The following ZNF169 variants were observed in gnomAD, a reference collection of about 807,000 sequenced individuals.
ZNF169 encodes zinc finger protein 169.
In ZNF169, 11 loss-of-function variants were observed where a neutral mutation model predicts 12.0. That is an observed-to-expected ratio of 0.92 (90% CI 0.58 to 1.52). The LOEUF (loss-of-function observed/expected upper bound fraction) is 1.52. ZNF169 is among the 40% of genes most tolerant of loss of function. The pLI, the probability that ZNF169 is intolerant of heterozygous loss-of-function variation, is 0.00. For missense variants in ZNF169, 722 were observed against 744.0 expected (o/e 0.97, Z 0.34); for synonymous variants, 302 against 286.5 (o/e 1.05, Z -0.55).
At chr9:94,263,155 A>G (rs1360681324) in intron 1 of ZNF169, among the ~76,000 whole-genome samples, 2 of 151,700 alleles carry the variant, frequency 1.3e-5, no homozygotes, top group African/African-American at 4.8e-5. Flanking sequence ...TTTTCTAGTT[A>G]TTTTATCAAC....
chr9:94,260,457 T>C (rs915802117), intron 1 of ZNF169, among the ~76,000 whole-genome samples: 7 of 146,690 alleles, frequency 4.8e-5, no homozygotes, highest in African/African-American at 1.8e-4. Flanking sequence ...TGTTTGTGGG[T>C]AGACATCCAG....
chr9:94,288,696 A>G (rs1830767674), intron 2 of ZNF169: 1 of 322,596 alleles, frequency 3.1e-6, no homozygotes, highest in Non-Finnish European at 6.0e-6. Flanking sequence ...CCTCTTGCTC[A>G]CTTTTTCTCC....
At chr9:94,288,537 A>T in intron 2 of ZNF169, 1 of 540,626 alleles carries the variant, frequency 1.8e-6, no homozygotes, top group South Asian at 1.6e-5. Flanking sequence ...CTCATATGTG[A>T]GTAGCACAGC....
rs1327097559 is a variant in ZNF169, at chr9:94,300,141, G to C, written c.583G>C (p.Gly195Arg). 1 of 1,614,028 alleles carries C rather than the reference G, an allele frequency of 6.2e-7. No individual in the cohort carries two copies. The highest frequency in any genetic ancestry group is 8.5e-7 in the Non-Finnish European group (1 of 1,180,046). Residue 195 changes from glycine (G) to arginine (R), a missense_variant, in exon 5 of 5, where the codon GGG becomes CGG. Physicochemically the swap from Gly to Arg is moderately radical, Grantham distance 125 (BLOSUM62 -2). Transcript: ENST00000395395. ...TCGCCTGGCCCAAAGGATGAGTCTT[G>C]GGGGGTCAGACACAATGTTGAAGGG... ...DLRLAQRMSL[G>R]GSDTMLKGAD... is the part of the protein sequence containing the mutation.
At chr9:94,284,317 CAGG>C (rs1233369774) in intron 2 of ZNF169, among the ~76,000 whole-genome samples, 2 of 150,394 alleles carry the variant, frequency 1.3e-5, no homozygotes, top group Non-Finnish European at 3.0e-5. Flanking sequence ...CCCAGCTACT[CAGG>C]AGGCTGAGGC....
At chr9:94,278,675 C>A in intron 1 of ZNF169, 83 bp from the exon 2 acceptor site, 1 of 712,544 alleles carries the variant, frequency 1.4e-6, no homozygotes, top group Non-Finnish European at 2.4e-6. Flanking sequence ...TGTTCCTCTA[C>A]TCCCTACTGA....
rs773819732 is a variant in ZNF169, at chr9:94,292,488, G to A, written c.160+21G>A. 7.5e-6 allele frequency: 12 copies of A among 1,603,044 alleles called. No homozygotes were observed. In the Admixed American group the frequency reaches 1.9e-4, roughly 25 times the overall value. ...CCTGGGTAAGGCTGGCCTGTTTAAG[G>A]TTTCAGATTCTGCTTGTGGGTATTT... is the stretch of plus-strand genomic sequence containing the variant. On this transcript the variant is annotated intron_variant, in intron 3 of 4. Transcript: ENST00000395395.
intron 2 of ZNF169, chr9:94,288,344 C>T (rs2225184): frequency 0.93 from 969,464 of 1,038,390 alleles, 455,724 homozygotes; most frequent in East Asian, 0.99. Flanking sequence ...TCTGTAAATG[C>T]CAGGCCATAT....
intron 4 of ZNF169, chr9:94,299,517 T>C (rs908233376): frequency 8.4e-6 from 11 of 1,304,070 alleles, no homozygotes; most frequent in Non-Finnish European, 8.7e-6. Flanking sequence ...CAAGGTTTAA[T>C]AGGCTTGAGC....
intron 1 of ZNF169, among the ~76,000 whole-genome samples, chr9:94,266,370 T>G (rs1290648900): frequency 6.6e-6 from 1 of 152,182 alleles, no homozygotes; most frequent in Admixed American, 6.5e-5. Flanking sequence ...TTCTGGCTAC[T>G]TCCTGCTGAG....
In ZNF169 at chr9:94,270,992, A is replaced by G. The variant is rs867643796; in HGVS notation, c.-55-7766A>G. Among the ~76,000 whole-genome samples, 5 of 51,042 alleles carry G rather than the reference A, an allele frequency of 9.8e-5. No individual in the cohort carries two copies. The South Asian group carries it at 3.8e-3, about 39-fold the overall frequency. 33.5% of individuals were successfully genotyped at this position (51,042 alleles called of 152,430 possible). A position where few individuals can be genotyped will look rare whatever the true frequency, so the allele number is the denominator to read the frequency against. ...TTATATATTATATAAATATACAAATAATATATTATATATTATATAAATATA... is the reference window on the plus strand; with the variant it reads ...TTATATATTATATAAATATACAAATGATATATTATATATTATATAAATATA... On this transcript the variant is annotated intron_variant, in intron 1 of 4. Coordinates refer to ENST00000395395, the MANE Select transcript of ZNF169 (RefSeq NM_194320.4).
intron 1 of ZNF169, among the ~76,000 whole-genome samples, chr9:94,274,624 G>T (rs1830489926): frequency 6.6e-6 from 1 of 152,120 alleles, no homozygotes; most frequent in African/African-American, 2.4e-5. Flanking sequence ...TACCTAACCT[G>T]CCGCACATCA....
intron 1 of ZNF169, among the ~76,000 whole-genome samples, chr9:94,277,114 A>G (rs1477318358): frequency 2.0e-5 from 3 of 152,198 alleles, no homozygotes; most frequent in Non-Finnish European, 4.4e-5. Flanking sequence ...GGACAACTCA[A>G]AGTAGGGGGG....
chr9:94,288,951 A>G (rs906425130), intron 2 of ZNF169, among the ~76,000 whole-genome samples: 2 of 152,378 alleles, frequency 1.3e-5, no homozygotes, highest in Middle Eastern at 3.4e-3. Context: ...GCTATTCTTC[A>G]TGAATTTCCT....
chr9:94,279,022 A>G (rs1050837529), intron 2 of ZNF169, among the ~76,000 whole-genome samples, 177 bp downstream of exon 2: 2 of 152,152 alleles, frequency 1.3e-5, no homozygotes, highest in Non-Finnish European at 1.5e-5. Context: ...TTATTTACCA[A>G]GTAGTTAACT....
intron 1 of ZNF169, among the ~76,000 whole-genome samples, chr9:94,276,191 T>A (rs937814347): frequency 6.6e-6 from 1 of 152,182 alleles, no homozygotes; most frequent in Non-Finnish European, 1.5e-5. Flanking sequence ...TTGTCTAATA[T>A]CTAATCATGT....
intron 1 of ZNF169, among the ~76,000 whole-genome samples, chr9:94,266,085 CAA>C (rs34161642): frequency 0.59 from 79,193 of 134,482 alleles, 24,630 homozygotes; most frequent in East Asian, 0.9. Flanking sequence ...GACTTTGTCT[CAA>C]AAAAAAAAAA....
chr9:94,276,059 G>C (rs1369556584), intron 1 of ZNF169, among the ~76,000 whole-genome samples: 1 of 152,132 alleles, frequency 6.6e-6, no homozygotes, highest in Non-Finnish European at 1.5e-5. Flanking sequence ...TTACAGGCGT[G>C]AGCCACCACA....
In ZNF169 at chr9:94,293,040, A is replaced by G; in HGVS notation, c.227A>G (p.Glu76Gly). Residue 76 changes from glutamate to glycine, a missense_variant, in exon 4 of 5, where the codon GAG (glutamate) becomes GGG (glycine). Transcript: ENST00000395395. Reference protein sequence around the residue: ...LEQGDEPWREENEHLLDLCPE... With the variant: ...LEQGDEPWREGNEHLLDLCPE... The stretch of plus-strand genomic sequence containing the variant: ...CAAGGCGACGAACCTTGGAGAGAGG[A>G]GAACGAACATCTTCTGGACCTTTGT... 3.1e-6 allele frequency: 5 copies of G among 1,613,562 alleles called. No individual in the cohort carries two copies. The highest frequency in any genetic ancestry group is 4.2e-6 in the Non-Finnish European group (5 of 1,179,768).
Sources: gnomAD v4.1 joint callset for allele counts (sites outside exome capture counted in the v4.1 genomes callset) on GRCh38, gnomAD v4.1.1 for gene constraint, MANE v1.5 for transcripts, NCBI Gene and HGNC (gene_info 2026-07-23, HGNC 2026-07-21) for gene names.